TLK1: variants seen among roughly 807,000 people sequenced by gnomAD.
TLK1 encodes the protein tousled like kinase 1.
In TLK1, 24 loss-of-function variants were observed where a neutral mutation model predicts 105.3. That is an observed-to-expected ratio of 0.23 (90% CI 0.17 to 0.32). The LOEUF is 0.32. Among genes scored for constraint, TLK1 ranks in the 10% least tolerant of loss-of-function variants. The pLI, the probability that TLK1 is intolerant of heterozygous loss-of-function variation, is 1.00. For missense variants in TLK1, 558 were observed against 910.5 expected (o/e 0.61, Z 4.98); for synonymous variants, 321 against 310.4 (o/e 1.03, Z -0.36).
At chr2:171,158,225 C>T (rs1362378701) in intron 1 of TLK1, among the ~76,000 whole-genome samples, 1 of 152,154 alleles carries the variant, frequency 6.6e-6, no homozygotes, top group African/African-American at 2.4e-5. Flanking sequence ...AAAGAAATAT[C>T]CCCCTGTAGC....
chr2:171,151,215 C>T (rs964895628), intron 1 of TLK1, among the ~76,000 whole-genome samples: 1 of 151,958 alleles, frequency 6.6e-6, no homozygotes, highest in African/African-American at 2.4e-5. Flanking sequence ...GACAGGGTTT[C>T]ACCATGTTGT....
At chr2:171,203,504 G>T (rs1385614197) in intron 1 of TLK1, among the ~76,000 whole-genome samples, 1 of 152,136 alleles carries the variant, frequency 6.6e-6, no homozygotes. Context: ...CATCCGCATT[G>T]TAGAATATGT....
At chr2:171,093,329 G>T (rs1258715349) in intron 2 of TLK1, among the ~76,000 whole-genome samples, 2 of 152,118 alleles carry the variant, frequency 1.3e-5, no homozygotes, top group East Asian at 3.9e-4. Flanking sequence ...GGACACAGGA[G>T]GTCCACCAGA....
intron 1 of TLK1, among the ~76,000 whole-genome samples, chr2:171,222,423 C>G (rs1693825243): frequency 6.6e-6 from 1 of 152,076 alleles, no homozygotes; most frequent in Non-Finnish European, 1.5e-5. Context: ...TTGACATCCC[C>G]AGGCTCAAGC....
At chr2:171,032,931 G>A (rs1488436011) in intron 11 of TLK1, among the ~76,000 whole-genome samples, 4 of 152,142 alleles carry the variant, frequency 2.6e-5, no homozygotes, top group Non-Finnish European at 5.9e-5. Flanking sequence ...CAGGAGGCTG[G>A]GTATGGTGGC....
intron 1 of TLK1, among the ~76,000 whole-genome samples, chr2:171,127,810 C>T (rs72876987): frequency 0.049 from 7,442 of 152,102 alleles, 281 homozygotes; most frequent in Non-Finnish European, 0.071. Context: ...ACTTTATTCA[C>T]TAAATAGTTT....
intron 2 of TLK1, among the ~76,000 whole-genome samples, chr2:171,106,658 C>G (rs1689943366): frequency 6.6e-6 from 1 of 152,148 alleles, no homozygotes; most frequent in Non-Finnish European, 1.5e-5. Flanking sequence ...CCGTTGCTAC[C>G]AGCAATTTGA....
chr2:171,001,807 C>T (rs192667357), intron 18 of TLK1, among the ~76,000 whole-genome samples: 199 of 151,880 alleles, frequency 1.3e-3, no homozygotes, highest in African/African-American at 4.4e-3. Context: ...TGAATGAGAC[C>T]GAATCTTGCT....
At chr2:170,996,102 G>A (rs760837001) in intron 20 of TLK1, among the ~76,000 whole-genome samples, 6 of 151,900 alleles carry the variant, frequency 3.9e-5, no homozygotes, top group Non-Finnish European at 8.8e-5. Context: ...GAGCTCAGGT[G>A]ATCCTCCCAC....
chr2:171,014,875 C>A lies in TLK1; in HGVS notation c.1310G>T (p.Arg437Ile). The stretch of plus-strand genomic sequence containing the variant: ...CTGTGAATTATCTTCATTGTTTATT[C>A]TTTTCAGCTCACGTATGTGAAGATT... ...VRNLHIRELK[R>I]INNEDNSQFK... Residue 437 changes from arginine (R) to isoleucine (I), a missense_variant, in exon 13 of 21, where the codon AGA becomes ATA. Physicochemically the swap from Arg to Ile is moderately conservative, Grantham distance 97. Transcript: ENST00000431350. 6.2e-7 allele frequency: 1 copy of A among 1,613,172 alleles called. No individual in the cohort carries two copies. The highest frequency in any genetic ancestry group is 8.5e-7 in the Non-Finnish European group (1 of 1,179,442).
chr2:171,213,615 T>C (rs1270445179), intron 1 of TLK1, among the ~76,000 whole-genome samples: 2 of 151,456 alleles, frequency 1.3e-5, no homozygotes, highest in Non-Finnish European at 2.9e-5. Context: ...TAAGAATTAC[T>C]TTCTACAAAA....
At chr2:171,026,326 T>G (rs927981673) in intron 12 of TLK1, among the ~76,000 whole-genome samples, 1 of 152,148 alleles carries the variant, frequency 6.6e-6, no homozygotes, top group Non-Finnish European at 1.5e-5. Context: ...TTTATAAAAG[T>G]GTTTTTCACA....
chr2:171,013,157 C>A (rs1048135623), intron 13 of TLK1, among the ~76,000 whole-genome samples: 2 of 151,552 alleles, frequency 1.3e-5, no homozygotes, highest in Admixed American at 1.3e-4. Flanking sequence ...GGATTACAGG[C>A]GCCCACCACA....
At chr2:170,994,338 T>C (rs998935761) in intron 20 of TLK1, among the ~76,000 whole-genome samples, 1 of 152,156 alleles carries the variant, frequency 6.6e-6, no homozygotes, top group Non-Finnish European at 1.5e-5. Flanking sequence ...TTTTCAACCA[T>C]TATTTTTTTT....
At chr2:171,168,993 G>T (rs965840781) in intron 1 of TLK1, among the ~76,000 whole-genome samples, 1 of 151,902 alleles carries the variant, frequency 6.6e-6, no homozygotes, top group African/African-American at 2.4e-5. Flanking sequence ...CAGGAGAATC[G>T]CTTGAACCTG....
upstream of TLK1, among the ~76,000 whole-genome samples, chr2:171,162,525 G>A (rs1024367982): frequency 2.6e-5 from 4 of 152,170 alleles, no homozygotes; most frequent in African/African-American, 7.2e-5. Flanking sequence ...GCGACAGAGC[G>A]AGACTCCTAG....
intron 1 of TLK1, among the ~76,000 whole-genome samples, chr2:171,202,308 C>T (rs574601530): frequency 2.6e-5 from 4 of 152,026 alleles, no homozygotes; most frequent in African/African-American, 7.2e-5. Flanking sequence ...CAAAATTAGC[C>T]GGACGTGGTG....
At chr2:171,029,515 C>G (rs1300400187) in intron 11 of TLK1, among the ~76,000 whole-genome samples, 1 of 152,074 alleles carries the variant, frequency 6.6e-6, no homozygotes, top group Non-Finnish European at 1.5e-5. Flanking sequence ...CAAATATAGA[C>G]ATAGGGTCTT....
chr2:171,198,668 A>C (rs1488585681), intron 1 of TLK1, among the ~76,000 whole-genome samples: 1 of 152,230 alleles, frequency 6.6e-6, no homozygotes, highest in Admixed American at 6.5e-5. Context: ...AAGATGTGTT[A>C]GAAAAGAGGC....
Sources: allele counts gnomAD v4.1 joint callset (sites outside exome capture counted in the v4.1 genomes callset), GRCh38; gene constraint gnomAD v4.1.1; transcripts MANE v1.5; gene names NCBI Gene and HGNC (gene_info 2026-07-23, HGNC 2026-07-21).